ENTREP1: variants seen among roughly 807,000 people sequenced by gnomAD.
ENTREP1 encodes endosomal transmembrane epsin interactor 1.
chr9:69,356,295 CTGTTGGAGCATG>C, the ENTREP1 span, among the ~76,000 whole-genome samples: 1 of 152,304 alleles, frequency 6.6e-6, no homozygotes, highest in African/African-American at 2.4e-5. Context: ...TCTATCCATG[CTGTTGGAGCATG>C]TGTTAGAACT....
chr9:69,331,808 G>C, the ENTREP1 span, among the ~76,000 whole-genome samples: 1 of 152,142 alleles, frequency 6.6e-6, no homozygotes, highest in Non-Finnish European at 1.5e-5. Context: ...TGGTGTGTGA[G>C]TGAGTACGCA....
At chr9:69,390,682 C>G in the ENTREP1 span, among the ~76,000 whole-genome samples, 47 of 152,276 alleles carry the variant, frequency 3.1e-4, no homozygotes, top group Non-Finnish European at 5.4e-4. Flanking sequence ...GTCTGTCACC[C>G]AGGCTAAAGT....
chr9:69,383,823 A>AC, the ENTREP1 span: 2,307 of 1,600,436 alleles, frequency 1.4e-3, 3 homozygotes, highest in Non-Finnish European at 1.8e-3. Context: ...GCACCGCCCC[A>AC]CCCCCTGCCC....
chr9:69,353,859 ATTG>A, the ENTREP1 span, among the ~76,000 whole-genome samples: 2 of 152,222 alleles, frequency 1.3e-5, no homozygotes, highest in Admixed American at 6.5e-5. Flanking sequence ...CTTATATGTT[ATTG>A]TTGTTCTTCT....
At chr9:69,368,995 G>A in the ENTREP1 span, among the ~76,000 whole-genome samples, 9 of 151,840 alleles carry the variant, frequency 5.9e-5, no homozygotes, top group African/African-American at 1.5e-4. Context: ...CCCCACCCTC[G>A]GCAGGCCCTG....
the ENTREP1 span, among the ~76,000 whole-genome samples, chr9:69,378,939 T>C: frequency 6.6e-6 from 1 of 152,060 alleles, no homozygotes; most frequent in African/African-American, 2.4e-5. Context: ...AAGAGGGACT[T>C]TGGGTGCACA....
the ENTREP1 span, among the ~76,000 whole-genome samples, chr9:69,390,451 C>T: frequency 6.6e-6 from 1 of 152,126 alleles, no homozygotes; most frequent in African/African-American, 2.4e-5. Context: ...AGGAATTTTT[C>T]ATATTTTTGC....
chr9:69,328,893 C>T, the ENTREP1 span, among the ~76,000 whole-genome samples: 1 of 151,958 alleles, frequency 6.6e-6, no homozygotes, highest in Non-Finnish European at 1.5e-5. Flanking sequence ...CCACCCCTAG[C>T]CACCCACTGA....
chr9:69,384,475 T>A, the ENTREP1 span, among the ~76,000 whole-genome samples: 1 of 152,238 alleles, frequency 6.6e-6, no homozygotes. Context: ...TCCTATTAAT[T>A]AAAATTAGCT....
chr9:69,361,241 T>A, the ENTREP1 span, among the ~76,000 whole-genome samples: 1 of 149,776 alleles, frequency 6.7e-6, no homozygotes, highest in Non-Finnish European at 1.5e-5. Flanking sequence ...GATACAGAAA[T>A]TTTCCAGTGT....
the ENTREP1 span, among the ~76,000 whole-genome samples, chr9:69,363,728 G>T: frequency 6.6e-6 from 1 of 152,308 alleles, no homozygotes; most frequent in South Asian, 2.1e-4. Flanking sequence ...CCTCCCTGTG[G>T]TCTTCTTTCC....
At chr9:69,335,039 G>A in the ENTREP1 span, among the ~76,000 whole-genome samples, 1 of 152,114 alleles carries the variant, frequency 6.6e-6, no homozygotes. Context: ...GGAGTAACAG[G>A]AGTGAGCCAC....
the ENTREP1 span, among the ~76,000 whole-genome samples, chr9:69,389,544 C>T: frequency 1.3e-5 from 2 of 152,244 alleles, no homozygotes; most frequent in Admixed American, 6.5e-5. Flanking sequence ...GATCAGTTGA[C>T]GGTTCCGGGT....
chr9:69,333,581 A>G, the ENTREP1 span, among the ~76,000 whole-genome samples: 1 of 152,226 alleles, frequency 6.6e-6, no homozygotes, highest in African/African-American at 2.4e-5. Context: ...CTGGGATTAC[A>G]GGTGTGAGCC....
the ENTREP1 span, chr9:69,388,295 A>C: frequency 6.2e-7 from 1 of 1,614,198 alleles, no homozygotes; most frequent in East Asian, 2.2e-5. Flanking sequence ...CAAATCCTAC[A>C]TGGACACCAA....
the ENTREP1 span, among the ~76,000 whole-genome samples, chr9:69,336,977 C>T: frequency 2.9e-5 from 4 of 136,824 alleles, no homozygotes; most frequent in Admixed American, 7.6e-5. Flanking sequence ...AGATTACAGG[C>T]GTCAGCCACC....
At chr9:69,389,482 A>T in the ENTREP1 span, among the ~76,000 whole-genome samples, 1 of 152,192 alleles carries the variant, frequency 6.6e-6, no homozygotes, top group Non-Finnish European at 1.5e-5. Context: ...GATTACTTGC[A>T]TGAAGAGGTA....
At chr9:69,358,915 T>G in the ENTREP1 span, among the ~76,000 whole-genome samples, 1 of 146,386 alleles carries the variant, frequency 6.8e-6, no homozygotes, top group South Asian at 2.2e-4. Flanking sequence ...TTTTTTTTTT[T>G]TTTTTTGAGA....
the ENTREP1 span, chr9:69,329,770 C>T: frequency 3.5e-5 from 11 of 311,392 alleles, no homozygotes; most frequent in East Asian, 9.6e-4. Flanking sequence ...TTGGGGGGTG[C>T]GTTTAGTGTT....
Sources: allele counts gnomAD v4.1 joint callset (sites outside exome capture counted in the v4.1 genomes callset), GRCh38; gene constraint gnomAD v4.1.1; transcripts MANE v1.5; gene names NCBI Gene and HGNC (gene_info 2026-07-23, HGNC 2026-07-21).